CDIN1: variants seen among roughly 807,000 people sequenced by gnomAD.
The protein encoded by CDIN1 is CDAN1-interacting nuclease 1.
Under a neutral mutation model 45.3 loss-of-function variants are expected in CDIN1, and 33 were observed. That is an observed-to-expected ratio of 0.73 (90% CI 0.55 to 0.97). CDIN1 has a LOEUF of 0.97. Among genes scored for constraint, CDIN1 ranks in the 50% least tolerant of loss-of-function variants. The pLI is 0.00. For missense variants in CDIN1, 303 were observed against 339.4 expected, an observed-to-expected ratio of 0.89 and a Z score of 0.84; for synonymous variants, 118 against 124.4, an observed-to-expected ratio of 0.95 and a Z score of 0.34.
chr15:36,699,094 G>A (rs1197164041), intron 8 of CDIN1, among the ~76,000 whole-genome samples: 2 of 152,062 alleles, frequency 1.3e-5, no homozygotes, highest in Non-Finnish European at 2.9e-5. Flanking sequence ...TACTCAAACA[G>A]GATATTTAAT....
intron 10 of CDIN1, among the ~76,000 whole-genome samples, chr15:36,807,325 T>G (rs1284145607): frequency 6.6e-6 from 1 of 152,232 alleles, no homozygotes. Flanking sequence ...GTTCTGTTTT[T>G]AGACATGCTT....
In CDIN1 at chr15:36,592,483, T is replaced by C. The variant is rs533835914; in HGVS notation, c.101+12522T>C. ...GTACCTTATGGCTCCAAGGGATGTC[T>C]TTCATAGATGTTTTTACACCCCCTT... On this transcript the variant is annotated intron_variant, in intron 1 of 10. Transcript: ENST00000566621. Among the ~76,000 whole-genome samples, 6 of 152,328 alleles carry C rather than the reference T, an allele frequency of 3.9e-5. No homozygotes were observed. In the South Asian group the frequency reaches 1.0e-3, roughly 26 times the overall value.
intron 1 of CDIN1, chr15:36,617,074 C>T: frequency 6.4e-6 from 5 of 782,412 alleles, no homozygotes; most frequent in South Asian, 1.3e-5. Flanking sequence ...ACGATTGGGC[C>T]GAGCAGAGGA....
chr15:36,790,223 C>T (rs899699199), intron 10 of CDIN1: 6 of 152,218 alleles, frequency 3.9e-5, no homozygotes, highest in Middle Eastern at 3.2e-3. Context: ...TGCTTTTCAG[C>T]CTCAAGCACA....
At chr15:36,583,704 A>T (rs916724112) in intron 1 of CDIN1, among the ~76,000 whole-genome samples, 3 of 152,208 alleles carry the variant, frequency 2.0e-5, no homozygotes, top group Non-Finnish European at 4.4e-5. Context: ...TGGTCATAAT[A>T]ACATCACCAA....
At chr15:36,745,047 A>G (rs1001595497) in intron 10 of CDIN1, among the ~76,000 whole-genome samples, 15 of 152,332 alleles carry the variant, frequency 9.8e-5, no homozygotes, top group Middle Eastern at 3.4e-3. Context: ...GAGTATATGT[A>G]TGAGCAGATT....
chr15:36,659,304 G>A lies in CDIN1; in HGVS notation c.346+1399G>A. ...TTCAGTACATTTTTCTTTTTATTTT[G>A]TACCATTTTATACAGCAGAGTTAAA... On this transcript the variant is annotated intron_variant, in intron 5 of 10. Coordinates refer to ENST00000566621, the MANE Select transcript of CDIN1 (RefSeq NM_001321759.2). Among the ~76,000 whole-genome samples the A allele has an allele frequency of 1.3e-5, 2 of 151,800 alleles. 1 individual carries two copies. The highest frequency in any genetic ancestry group is 3.9e-4 in the East Asian group (2 of 5,168).
chr15:36,725,713 T>G (rs1182935234), intron 10 of CDIN1, among the ~76,000 whole-genome samples: 1 of 152,196 alleles, frequency 6.6e-6, no homozygotes, highest in Non-Finnish European at 1.5e-5. Flanking sequence ...TATGTTAGAT[T>G]TATCTACTGT....
At chr15:36,791,384 T>C (rs1482923054) in intron 10 of CDIN1, among the ~76,000 whole-genome samples, 2 of 152,220 alleles carry the variant, frequency 1.3e-5, no homozygotes. Flanking sequence ...GTGGAGGAGA[T>C]AAACATTAAA....
At chr15:36,783,659 C>T (rs1222314282) in intron 10 of CDIN1, among the ~76,000 whole-genome samples, 3 of 152,078 alleles carry the variant, frequency 2.0e-5, no homozygotes, top group Non-Finnish European at 4.4e-5. Flanking sequence ...TACACATGAA[C>T]ATACAGTAAA....
At chr15:36,648,427 A>ATTTTT (rs4008147) in intron 3 of CDIN1, among the ~76,000 whole-genome samples, 1,267 of 91,028 alleles carry the variant, frequency 0.014, 50 homozygotes, top group Admixed American at 0.016. Context: ...CCAATATTCT[A>ATTTTT]TTTTTTTTTT....
intron 10 of CDIN1, among the ~76,000 whole-genome samples, chr15:36,730,908 T>G (rs936387082): frequency 1.3e-5 from 2 of 152,110 alleles, no homozygotes; most frequent in African/African-American, 4.8e-5. Flanking sequence ...TCATAGAAAA[T>G]GAAGTCTTGT....
intron 10 of CDIN1, among the ~76,000 whole-genome samples, chr15:36,774,349 T>A (rs2054165848): frequency 6.6e-6 from 1 of 152,044 alleles, no homozygotes; most frequent in Non-Finnish European, 1.5e-5. Flanking sequence ...TTCCCCCAAT[T>A]GATAAGTTGA....
rs2054267655 is a variant in CDIN1, at chr15:36,778,210, G to A, written c.717-30114G>A. 2.0e-5 allele frequency among the ~76,000 whole-genome samples: 3 copies of A among 152,174 alleles called. No individual in the cohort carries two copies. The South Asian group carries it at 6.2e-4, about 31-fold the overall frequency. ...GCCTCTCACGCACTGCTGTTAGGAA[G>A]TCCTGAAGCTACTGACCCCCACAGA... On this transcript the variant is annotated intron_variant, in intron 10 of 10. Transcript: ENST00000566621.
chr15:36,751,229 T>TATATATGTATATATA (rs1555404178), intron 10 of CDIN1, among the ~76,000 whole-genome samples: 1 of 97,612 alleles, frequency 1.0e-5, no homozygotes, highest in African/African-American at 4.3e-5. Flanking sequence ...TATGCTTATT[T>TATATATGTATATATA]TATATATATA....
At chr15:36,589,315 G>A (rs1344565528) in intron 1 of CDIN1, among the ~76,000 whole-genome samples, 3 of 152,106 alleles carry the variant, frequency 2.0e-5, no homozygotes, top group Non-Finnish European at 4.4e-5. Context: ...TAGAAGATAG[G>A]TAAAGAGTAA....
chr15:36,587,531 C>T (rs2037362289), intron 1 of CDIN1, among the ~76,000 whole-genome samples: 1 of 152,034 alleles, frequency 6.6e-6, no homozygotes, highest in South Asian at 2.1e-4. Context: ...AAAAAACTTG[C>T]TTGGGACAAG....
At chr15:36,662,702 C>T (rs1466731760) in intron 5 of CDIN1, among the ~76,000 whole-genome samples, 1 of 152,042 alleles carries the variant, frequency 6.6e-6, no homozygotes, top group Non-Finnish European at 1.5e-5. Flanking sequence ...TAACTATATT[C>T]CAGGCACTAT....
intron 10 of CDIN1, among the ~76,000 whole-genome samples, chr15:36,785,222 G>A (rs2141066373): frequency 6.6e-6 from 1 of 152,230 alleles, no homozygotes; most frequent in East Asian, 1.9e-4. Flanking sequence ...AAATAGCTAA[G>A]GTGTTCTCAT....
Sources: gnomAD v4.1 joint callset for allele counts (sites outside exome capture counted in the v4.1 genomes callset) on GRCh38, gnomAD v4.1.1 for gene constraint, MANE v1.5 for transcripts, NCBI Gene and HGNC (gene_info 2026-07-23, HGNC 2026-07-21) for gene names.